The following HEMK1 variants were observed in gnomAD, a reference collection of about 807,000 sequenced individuals.
The protein encoded by HEMK1 is MTRF1L release factor glutamine methyltransferase.
HEMK1 carries 36 observed loss-of-function variants against 47.9 expected under a neutral mutation model. The ratio of observed to expected loss-of-function variants is 0.75; its 90% CI spans 0.58 to 0.99. The LOEUF (loss-of-function observed/expected upper bound fraction) is 0.99. HEMK1 is among the 50% of genes least tolerant of loss of function. The probability of loss-of-function intolerance (pLI) is 0.00; values close to 1 mark genes in which losing one functional copy is unlikely to be tolerated. For missense variants in HEMK1, 383 were observed against 434.5 expected (o/e 0.88, Z 1.05); for synonymous variants, 153 against 165.4 (o/e 0.93, Z 0.57).
chr3:50,583,175 T>C lies in HEMK1; in HGVS notation c.*2758T>C, dbSNP rs1232897162. 4 of 152,260 alleles carry C rather than the reference T, an allele frequency of 2.6e-5. No individual in the cohort carries two copies. Among genetic ancestry groups the C allele is most frequent in the Admixed American group, 6.5e-5 (1 of 15,282 alleles). 9.4% of individuals were successfully genotyped at this position (152,260 alleles called of 1,614,324 possible). A position where few individuals can be genotyped will look rare whatever the true frequency, so the allele number is the denominator to read the frequency against. ...TCTGGGAGAGTAATTCTATCTCCTCTTCTGATAGTTGGGGAAACTGAGGCC... is the reference window on the plus strand; with the variant it reads ...TCTGGGAGAGTAATTCTATCTCCTCCTCTGATAGTTGGGGAAACTGAGGCC... On this transcript the variant is annotated 3_prime_UTR_variant, in exon 11 of 11. Transcript: ENST00000232854.
Position 50,591,079 on chromosome 3 carries a change from G to A in HEMK1, c.*10662G>A, listed in dbSNP as rs901579344. On this transcript the variant is annotated 3_prime_UTR_variant, in exon 11 of 11. Coordinates refer to ENST00000232854, the MANE Select transcript of HEMK1 (RefSeq NM_016173.5). ...GCCACTAGGTGGGGCAGAATACAAG[G>A]TCAGGCGAGGACACAGCATCTGGGA... 1 of 152,136 alleles carries A rather than the reference G, an allele frequency of 6.6e-6. No homozygotes were observed. Among genetic ancestry groups the A allele is most frequent in the Non-Finnish European group, 1.5e-5 (1 of 68,022 alleles). 9.4% of individuals were successfully genotyped at this position (152,136 alleles called of 1,614,324 possible).
upstream of HEMK1, chr3:50,569,208 C>T (rs1227053720): frequency 6.6e-6 from 1 of 152,310 alleles, no homozygotes; most frequent in Non-Finnish European, 1.5e-5. Flanking sequence ...TTCCTAAACG[C>T]CAGCTCGGAG....
At position 50,572,099 on chromosome 3, in the gene HEMK1, G is replaced by A; in HGVS notation, c.321-16G>A. 1 of 1,613,704 alleles carries A rather than the reference G, an allele frequency of 6.2e-7. No individual in the cohort carries two copies. The highest frequency in any genetic ancestry group is 8.5e-7 in the Non-Finnish European group (1 of 1,179,822). On this transcript the variant is annotated splice_polypyrimidine_tract_variant and intron_variant, in intron 3 of 10. Coordinates refer to ENST00000232854, the MANE Select transcript of HEMK1 (RefSeq NM_016173.5). ...TAGCTCTGTCCCTGATGACCACCCA[G>A]CTGCCCCCTCTGCAGGATGCCGGTG... is the stretch of plus-strand genomic sequence containing the variant.
chr3:50,577,852 T>A lies in HEMK1; in HGVS notation c.641T>A (p.Ile214Asn). Residue 214 changes from isoleucine to asparagine, a missense_variant, in exon 7 of 11, where the codon ATC (isoleucine) becomes AAC (asparagine). Ile to Asn is a moderately radical substitution (Grantham distance 149). Coordinates refer to ENST00000232854, the MANE Select transcript of HEMK1 (RefSeq NM_016173.5). ...QRLRLQDRIW[I>N]IHLDMTSERS... ...CTTCGGTTGCAGGACAGGATTTGGA[T>A]CATCCACCTCGACATGACCTCAGGT... 1.2e-6 allele frequency: 2 copies of A among 1,613,478 alleles called. No homozygotes were observed. Among genetic ancestry groups the A allele is most frequent in the Non-Finnish European group, 1.7e-6 (2 of 1,179,818 alleles).
intron 4 of HEMK1, among the ~76,000 whole-genome samples, chr3:50,576,426 G>T (rs77069087): frequency 6.6e-6 from 1 of 152,210 alleles, no homozygotes; most frequent in Non-Finnish European, 1.5e-5. Flanking sequence ...TTGAGATGGA[G>T]TGTTGCTCTG....
chr3:50,578,739 G>T, intron 7 of HEMK1, 82 bp from the exon 8 acceptor site: 1 of 902,534 alleles, frequency 1.1e-6, no homozygotes, highest in South Asian at 1.5e-5. Flanking sequence ...CATGGTGAGA[G>T]GGACATGGTG....
Position 50,580,509 on chromosome 3 carries a change from T to C in HEMK1, c.*92T>C. ...TCCAGAGCCCAGGTTCTTATGGCAT[T>C]TCCCAGGGTTCTGTGATTTCCCCAT... is the stretch of plus-strand genomic sequence containing the variant. On this transcript the variant is annotated 3_prime_UTR_variant, in exon 11 of 11. Transcript: ENST00000232854. The C allele has an allele frequency of 7.8e-7, 1 of 1,274,812 alleles. No individual in the cohort carries two copies. The allele number at this position is 1,274,812 out of a possible 1,614,324, so 79.0% of individuals were successfully genotyped here.
intron 4 of HEMK1, among the ~76,000 whole-genome samples, chr3:50,573,434 G>C (rs950573417): frequency 6.6e-6 from 1 of 152,190 alleles, no homozygotes; most frequent in African/African-American, 2.4e-5. Context: ...GGCTTCCCAG[G>C]GTCAGGGCAT....
At chr3:50,577,599 G>A in intron 6 of HEMK1, 26 bp downstream of exon 6, 2 of 1,604,530 alleles carry the variant, frequency 1.2e-6, no homozygotes, top group East Asian at 2.2e-5. Context: ...GCACTTTGGG[G>A]CCTAATCTTG....
chr3:50,579,047 T>C lies in HEMK1; in HGVS notation c.770+121T>C, dbSNP rs542609826. On this transcript the variant is annotated intron_variant, in intron 8 of 10. Transcript: ENST00000232854. ...TTGGTGCTGAAATGGGCAATGGTGT[T>C]AAGTTGACGCACTCGAGAGCCCACA... 128 of 692,790 alleles carry C rather than the reference T, an allele frequency of 1.8e-4. No individual in the cohort carries two copies. In the African/African-American group the frequency reaches 2.2e-3, roughly 12 times the overall value. 42.9% of individuals were successfully genotyped at this position (692,790 alleles called of 1,614,324 possible).
chr3:50,579,591 C>T (rs2030440650), intron 8 of HEMK1, among the ~76,000 whole-genome samples: 1 of 152,174 alleles, frequency 6.6e-6, no homozygotes, highest in South Asian at 2.1e-4. Flanking sequence ...TGAGTCAGTG[C>T]ATCAAGAGAG....
At position 50,590,196 on chromosome 3, in the gene HEMK1, TTTAA is replaced by T. The variant is rs2031646349; in HGVS notation, c.*9780_*9783del. 2 of 150,194 alleles carry T rather than the reference TTTAA, an allele frequency of 1.3e-5. No individual in the cohort carries two copies. Among genetic ancestry groups the T allele is most frequent in the East Asian group, 3.9e-4 (2 of 5,076 alleles). 9.3% of individuals were successfully genotyped at this position (150,194 alleles called of 1,614,324 possible). ...CTAGACTCCATCTCAAAAAAAAAAA[TTTAA>T]AAATAATAATTTTAAAAAAATGTTT... is the stretch of plus-strand genomic sequence containing the variant. On this transcript the variant is annotated 3_prime_UTR_variant, in exon 11 of 11. Coordinates refer to ENST00000232854, the MANE Select transcript of HEMK1 (RefSeq NM_016173.5).
chr3:50,579,748 C>T (rs2030469552), intron 8 of HEMK1, 96 bp from the exon 9 acceptor site: 1 of 879,946 alleles, frequency 1.1e-6, no homozygotes, highest in South Asian at 1.6e-5. Context: ...AGTGTAAGTT[C>T]CACAGGGCCC....
chr3:50,590,028 T>TA lies in HEMK1; in HGVS notation c.*9612dup, dbSNP rs1476758950. The TA allele has an allele frequency of 6.7e-6, 1 of 148,958 alleles. No homozygotes were observed. The highest frequency in any genetic ancestry group is 1.5e-5 in the Non-Finnish European group (1 of 67,414). The allele number at this position is 148,958 out of a possible 1,614,324, so 9.2% of individuals were successfully genotyped here. On this transcript the variant is annotated 3_prime_UTR_variant, in exon 11 of 11. Transcript: ENST00000232854. ...ACAGTGAAACCCCGTCTACTAAAAA[T>TA]ACAAAAATTAGCTGGGTGTGGTGGT...
In HEMK1 at chr3:50,595,796, A is replaced by T. The variant is rs1200978257; in HGVS notation, c.*15379A>T. ...AAAAAACCCAAGATAGAGAGACAAC[A>T]CTATATAGGCATCGATGTATTTCTG... On this transcript the variant is annotated 3_prime_UTR_variant, in exon 11 of 11. Coordinates refer to ENST00000232854, the MANE Select transcript of HEMK1 (RefSeq NM_016173.5). 6.6e-6 allele frequency: 1 copy of T among 152,104 alleles called. No individual in the cohort carries two copies. Among genetic ancestry groups the T allele is most frequent in the Admixed American group, 6.5e-5 (1 of 15,288 alleles). The allele number at this position is 152,104 out of a possible 1,614,324, so 9.4% of individuals were successfully genotyped here. A position where few individuals can be genotyped will look rare whatever the true frequency, so the allele number is the denominator to read the frequency against.
At position 50,571,355 on chromosome 3, in the gene HEMK1, G is replaced by A. The variant is rs1339845571; in HGVS notation, c.228+23G>A. The A allele has an allele frequency of 4.6e-6, 7 of 1,528,716 alleles. No individual in the cohort carries two copies. The South Asian group carries it at 8.7e-5, about 19-fold the overall frequency. The allele number at this position is 1,528,716 out of a possible 1,614,324, so 94.7% of individuals were successfully genotyped here. ...ACAGTTAAGTTTAGTGTTGTCAAGA[G>A]GACAGGAAGAGGGAGGAGGGAGGAC... On this transcript the variant is annotated intron_variant, in intron 2 of 10. Transcript: ENST00000232854.
Position 50,587,602 on chromosome 3 carries a change from A to T in HEMK1, c.*7185A>T. The T allele has an allele frequency of 6.6e-6, 1 of 152,294 alleles. No homozygotes were observed. The highest frequency in any genetic ancestry group is 1.5e-5 in the Non-Finnish European group (1 of 68,110). The allele number at this position is 152,294 out of a possible 1,614,324, so 9.4% of individuals were successfully genotyped here. A position where few individuals can be genotyped will look rare whatever the true frequency, so the allele number is the denominator to read the frequency against. On this transcript the variant is annotated 3_prime_UTR_variant, in exon 11 of 11. Transcript: ENST00000232854. This position sits in a 1 kb window ranked among gnomAD's most constrained non-coding sequence, Gnocchi z 4.2. ...ACACCAGGCTTGAGGAGGGGCGGAT[A>T]GGACAGGAATATACCAGGCAGTAGG...
rs2031830741 is a variant in HEMK1 at position 50,593,623 on chromosome 3, A to C, written c.*13206A>C. On this transcript the variant is annotated 3_prime_UTR_variant, in exon 11 of 11. Coordinates refer to ENST00000232854, the MANE Select transcript of HEMK1 (RefSeq NM_016173.5). Reference sequence around the variant, plus strand: ...CCATTAATTTACAGGGGTTTATCTTATAACTGGACACCTTTTTGTTTTCTC... The same window carrying C: ...CCATTAATTTACAGGGGTTTATCTTCTAACTGGACACCTTTTTGTTTTCTC... 6.6e-6 allele frequency: 1 copy of C among 152,180 alleles called. No homozygotes were observed. Among genetic ancestry groups the C allele is most frequent in the Non-Finnish European group, 1.5e-5 (1 of 68,032 alleles). The allele number at this position is 152,180 out of a possible 1,614,324, so 9.4% of individuals were successfully genotyped here.
In HEMK1 at chr3:50,580,456, C is replaced by T. The variant is rs1446576768; in HGVS notation, c.*39C>T. 6.2e-7 allele frequency: 1 copy of T among 1,610,984 alleles called. No homozygotes were observed. Among genetic ancestry groups the T allele is most frequent in the Non-Finnish European group, 8.5e-7 (1 of 1,177,456 alleles). On this transcript the variant is annotated 3_prime_UTR_variant, in exon 11 of 11. Coordinates refer to ENST00000232854, the MANE Select transcript of HEMK1 (RefSeq NM_016173.5). Reference sequence around the variant, plus strand: ...TGGATGCCTTGTCAGTGCCGCCAGCCTGACCAGAGGGGAGGTGGATGGCAC... The same window carrying T: ...TGGATGCCTTGTCAGTGCCGCCAGCTTGACCAGAGGGGAGGTGGATGGCAC...
Sources: gnomAD v4.1 joint callset for allele counts (sites outside exome capture counted in the v4.1 genomes callset) on GRCh38, gnomAD v4.1.1 for gene constraint, Gnocchi (gnomAD v3.1) non-coding constraint, MANE v1.5 for transcripts, NCBI Gene and HGNC (gene_info 2026-07-23, HGNC 2026-07-21) for gene names.